CTNND1: variants seen among roughly 807,000 people sequenced by gnomAD.
CTNND1 encodes catenin delta 1.
A neutral mutation model predicts 112.1 loss-of-function variants in CTNND1; 16 were observed. The observed-to-expected ratio is 0.14, with a 90% CI of 0.10 to 0.22. The LOEUF is 0.22. Ranked by LOEUF, CTNND1 falls within the 10% of genes least tolerant of loss-of-function variation. The pLI, the probability that CTNND1 is intolerant of heterozygous loss-of-function variation, is 1.00. For synonymous variants in CTNND1, 420 were observed against 446.5 expected, an observed-to-expected ratio of 0.94 and a Z score of 0.75; for missense variants, 1,008 against 1,257.0, an observed-to-expected ratio of 0.80 and a Z score of 3.00.
chr11:57,768,115 G>T (rs572137137), intron 1 of CTNND1, among the ~76,000 whole-genome samples: 1 of 150,850 alleles, frequency 6.6e-6, no homozygotes, highest in Non-Finnish European at 1.5e-5. Flanking sequence ...GATTACAGGC[G>T]TGAGCCACCA....
chr11:57,804,013 A>C, intron 8 of CTNND1: 1 of 409,544 alleles, frequency 2.4e-6, no homozygotes, highest in Non-Finnish European at 4.3e-6. Context: ...GCTGTTCCCC[A>C]CACATCCTCT....
intron 5 of CTNND1, among the ~76,000 whole-genome samples, 163 bp downstream of exon 5, chr11:57,795,892 A>G (rs1242999108): frequency 1.3e-5 from 2 of 152,106 alleles, no homozygotes; most frequent in Non-Finnish European, 2.9e-5. Context: ...GAGATGGGAA[A>G]ATCTTATGGG....
At chr11:57,778,504 C>G (rs1591282737) in intron 1 of CTNND1, among the ~76,000 whole-genome samples, 1 of 151,784 alleles carries the variant, frequency 6.6e-6, no homozygotes, top group African/African-American at 2.4e-5. Context: ...TCCCTCACCC[C>G]CTTCAAACTT....
At chr11:57,787,080 T>C (rs2060218561) in intron 1 of CTNND1, among the ~76,000 whole-genome samples, 1 of 152,228 alleles carries the variant, frequency 6.6e-6, no homozygotes, top group Non-Finnish European at 1.5e-5. Flanking sequence ...GCAATAAAAC[T>C]TCCTTAGGGT....
rs2061053168 is a variant in CTNND1, at chr11:57,793,948, T to C, written c.196-62T>C. ...TTTCCTGTTTGAAAAAAAGATCGTT[T>C]GTATTTGATAGAGCAAAAGAAGGCC... On this transcript the variant is annotated intron_variant, in intron 3 of 20. Coordinates refer to ENST00000399050, the MANE Select transcript of CTNND1 (RefSeq NM_001085458.2). 3.2e-6 allele frequency: 5 copies of C among 1,541,460 alleles called. No homozygotes were observed. In the South Asian group the frequency reaches 5.6e-5, roughly 17 times the overall value.
At chr11:57,780,269 G>T (rs2059436895) in intron 1 of CTNND1, among the ~76,000 whole-genome samples, 1 of 151,916 alleles carries the variant, frequency 6.6e-6, no homozygotes, top group African/African-American at 2.4e-5. Context: ...TGCCCAGGCT[G>T]GTCTCAAACT....
chr11:57,793,747 C>G (rs561852374), intron 3 of CTNND1, among the ~76,000 whole-genome samples: 1 of 152,250 alleles, frequency 6.6e-6, no homozygotes, highest in South Asian at 2.1e-4. Context: ...TAAACTTATC[C>G]CAAAAAACCC....
chr11:57,773,514 C>T (rs1456646338), intron 1 of CTNND1, among the ~76,000 whole-genome samples: 5 of 150,722 alleles, frequency 3.3e-5, no homozygotes, highest in Non-Finnish European at 5.9e-5. Flanking sequence ...TGCAATGGCA[C>T]GACCTCGGCT....
Position 57,818,229 on chromosome 11 carries a change from C to G in CTNND1, c.*1921C>G, listed in dbSNP as rs1325890927. The G allele has an allele frequency of 6.7e-6, 1 of 150,332 alleles. No individual in the cohort carries two copies. The highest frequency in any genetic ancestry group is 2.5e-5 in the African/African-American group (1 of 40,594). 9.3% of individuals were successfully genotyped at this position (150,332 alleles called of 1,614,324 possible). A position where few individuals can be genotyped will look rare whatever the true frequency, so the allele number is the denominator to read the frequency against. ...TCTCGGTGGGGTGTGGGTAATAGAA[C>G]AGCCGTGGGCTTTTGGGGACCTTTA... is the stretch of plus-strand genomic sequence containing the variant. On this transcript the variant is annotated 3_prime_UTR_variant, in exon 21 of 21. Coordinates refer to ENST00000399050, the MANE Select transcript of CTNND1 (RefSeq NM_001085458.2).
chr11:57,800,594 C>A (rs914901519), intron 6 of CTNND1, among the ~76,000 whole-genome samples: 1 of 152,126 alleles, frequency 6.6e-6, no homozygotes, highest in African/African-American at 2.4e-5. Context: ...TTAAGACCAT[C>A]TTGGTCATGG....
At position 57,788,133 on chromosome 11, in the gene CTNND1, TC is replaced by T; in HGVS notation, c.-213-902del. Reference sequence around the variant, plus strand: ...GAAGAATCTCTTTTTGAGCTCAGAGTCCTCTTGGTGTGGAAGGTTCATAGGT... The same window carrying T: ...GAAGAATCTCTTTTTGAGCTCAGAGTCTCTTGGTGTGGAAGGTTCATAGGT... On this transcript the variant is annotated intron_variant, in intron 1 of 20. Transcript: ENST00000399050. The surrounding 1 kb of genome is among the most constrained non-coding windows in gnomAD (Gnocchi z 4.1). 6.6e-6 allele frequency among the ~76,000 whole-genome samples: 1 copy of T among 152,218 alleles called. No individual in the cohort carries two copies. The highest frequency in any genetic ancestry group is 1.9e-4 in the East Asian group (1 of 5,176).
At chr11:57,808,052 G>A (rs1591637172) in intron 12 of CTNND1, 113 bp from the exon 13 acceptor site, 1 of 1,166,040 alleles carries the variant, frequency 8.6e-7, no homozygotes, top group Non-Finnish European at 1.2e-6. Context: ...GAACCTGATG[G>A]TATAGAAGCA....
chr11:57,790,111 T>TG (rs2060533552), intron 2 of CTNND1, among the ~76,000 whole-genome samples: 1 of 152,194 alleles, frequency 6.6e-6, no homozygotes, highest in Non-Finnish European at 1.5e-5. Context: ...AGGCAGAGTC[T>TG]CACTCTGTTG....
In CTNND1 at chr11:57,815,998, C is replaced by A; in HGVS notation, c.2892C>A (p.Ser964=). 6.3e-7 allele frequency: 1 copy of A among 1,579,080 alleles called. No homozygotes were observed. The highest frequency in any genetic ancestry group is 2.2e-5 in the East Asian group (1 of 44,582). Residue 964 remains serine (S), a synonymous_variant, in exon 20 of 21, where the codon TCC becomes TCA. Transcript: ENST00000399050. Reference sequence around the variant, plus strand: ...AGGGGGGCCAAGTGTCTTACCCCTCCATGGTATGTCCTTCAGTCACCCCCA... The same window carrying A: ...AGGGGGGCCAAGTGTCTTACCCCTCAATGGTATGTCCTTCAGTCACCCCCA... ...DDEGGQVSYP[S]MQKI
chr11:57,776,617 A>C (rs1954292300), intron 1 of CTNND1, among the ~76,000 whole-genome samples: 1 of 152,134 alleles, frequency 6.6e-6, no homozygotes, highest in Non-Finnish European at 1.5e-5. Flanking sequence ...CTTCATATCC[A>C]TTCATTATTC....
rs2060752003 is a variant in CTNND1, at chr11:57,791,591, C to G, written c.113C>G (p.Ser38Trp). 1 of 1,611,438 alleles carries G rather than the reference C, an allele frequency of 6.2e-7. No homozygotes were observed. Among genetic ancestry groups the G allele is most frequent in the African/African-American group, 1.3e-5 (1 of 74,818 alleles). Reference protein sequence around the residue: ...RALEEERRHVSAQLERVRVSP... With the variant: ...RALEEERRHVWAQLERVRVSP... The stretch of plus-strand genomic sequence containing the variant: ...CTGGAGGAGGAACGGCGCCACGTCT[C>G]GGCGCAGCTGGAACGCGTCCGGGTC... Residue 38 changes from serine (S) to tryptophan (W), a missense_variant, in exon 3 of 21, where the codon TCG (serine) becomes TGG (tryptophan). Around this residue, in one of 5 missense-constraint regions of CTNND1, gnomAD observed 404 missense variants for 457.9 expected, o/e 0.88. Coordinates refer to ENST00000399050, the MANE Select transcript of CTNND1 (RefSeq NM_001085458.2).
intron 3 of CTNND1, 71 bp downstream of exon 3, chr11:57,791,744 G>T: frequency 7.0e-7 from 1 of 1,438,718 alleles, no homozygotes; most frequent in South Asian, 1.5e-5. Context: ...GATCCTTTTT[G>T]GGAAGCTACT....
intron 17 of CTNND1, 77 bp downstream of exon 17, chr11:57,811,563 T>C (rs1363507609): frequency 4.2e-6 from 4 of 960,200 alleles, no homozygotes; most frequent in Admixed American, 4.6e-5. Flanking sequence ...AAATAGGATA[T>C]ATATTATTTC....
rs11229128 is a variant in CTNND1 at position 57,792,199 on chromosome 11, G to A, written c.195+526G>A. 2.6e-3 allele frequency among the ~76,000 whole-genome samples: 389 copies of A among 152,296 alleles called. 3 individuals are homozygous for A. Among genetic ancestry groups the A allele is most frequent in the Non-Finnish European group, 4.2e-3 (285 of 68,030 alleles). On this transcript the variant is annotated intron_variant, in intron 3 of 20. Transcript: ENST00000399050. ...TGTAAATCATGTGTTGGAGGAAGGG[G>A]TCATTGTTAATTCTGTTGGTTAGAG... is the stretch of plus-strand genomic sequence containing the variant.
Sources: allele counts gnomAD v4.1 joint callset (sites outside exome capture counted in the v4.1 genomes callset), GRCh38; gene constraint gnomAD v4.1.1; regional missense constraint gnomAD v4.1.1; non-coding constraint Gnocchi (gnomAD v3.1); transcripts MANE v1.5; gene names NCBI Gene and HGNC (gene_info 2026-07-23, HGNC 2026-07-21).